Variants in UNK observed in about 807,000 individuals in gnomAD.
The protein encoded by UNK is unk zinc finger.
Under a neutral mutation model 97.6 loss-of-function variants are expected in UNK, and 32 were observed. That is an observed-to-expected ratio of 0.33 (90% CI 0.25 to 0.44). The LOEUF is 0.44. UNK is among the 20% of genes least tolerant of loss of function. The pLI is 1.00. For synonymous variants in UNK, 441 were observed against 461.2 expected (o/e 0.96, Z 0.56); for missense variants, 771 against 1,098.4 (o/e 0.70, Z 4.21).
intron 1 of UNK, among the ~76,000 whole-genome samples, chr17:75,807,405 C>A (rs148276897): frequency 0.016 from 2,496 of 152,244 alleles, 33 homozygotes; most frequent in Middle Eastern, 0.048. Context: ...CTCTTAAAAA[C>A]AAAACAGGAT....
chr17:75,789,046 G>A (rs1405554727), intron 1 of UNK, among the ~76,000 whole-genome samples: 5 of 152,056 alleles, frequency 3.3e-5, no homozygotes, highest in African/African-American at 7.2e-5. Flanking sequence ...CTTAGAGTTT[G>A]AGCCCTCCTT....
intron 6 of UNK, 40 bp from the exon 7 acceptor site, chr17:75,815,129 T>C: frequency 6.3e-7 from 1 of 1,592,614 alleles, no homozygotes; most frequent in Non-Finnish European, 8.6e-7. Context: ...CGGCCTTCCC[T>C]CAGGGCCTGA....
At chr17:75,808,077 A>G (rs1431737746) in intron 1 of UNK, among the ~76,000 whole-genome samples, 1 of 152,156 alleles carries the variant, frequency 6.6e-6, no homozygotes, top group African/African-American at 2.4e-5. Flanking sequence ...TCTTTCAGGA[A>G]AGTTCCTTCT....
At chr17:75,815,885 T>C (rs1599384783) in intron 7 of UNK, among the ~76,000 whole-genome samples, 1 of 119,150 alleles carries the variant, frequency 8.4e-6, no homozygotes, top group African/African-American at 3.1e-5. Context: ...GACTCTGTCT[T>C]AAAAAAAAAA....
intron 2 of UNK, among the ~76,000 whole-genome samples, chr17:75,810,198 C>T (rs78701140): frequency 0.021 from 3,129 of 152,322 alleles, 99 homozygotes; most frequent in African/African-American, 0.068. Context: ...TTTCACTAAG[C>T]CTAAGGGCCC....
Position 75,824,618 on chromosome 17 carries a change from T to C in UNK, c.*201T>C. ...TATGCGTGGTGGTGTGGACAGTGTCTGTGTGTATATCTGTACATAGATATA... is the reference window on the plus strand; with the variant it reads ...TATGCGTGGTGGTGTGGACAGTGTCCGTGTGTATATCTGTACATAGATATA... On this transcript the variant is annotated 3_prime_UTR_variant, in exon 16 of 16. Coordinates refer to ENST00000589666, the MANE Select transcript of UNK (RefSeq NM_001080419.3). The surrounding 1 kb of genome is among the most constrained non-coding windows in gnomAD (Gnocchi z 4.9). 1 of 282,398 alleles carries C rather than the reference T, an allele frequency of 3.5e-6. No individual in the cohort carries two copies. Among genetic ancestry groups the C allele is most frequent in the Admixed American group, 5.3e-5 (1 of 18,800 alleles). The allele number at this position is 282,398 out of a possible 1,614,324, so 17.5% of individuals were successfully genotyped here. A position where few individuals can be genotyped will look rare whatever the true frequency, so the allele number is the denominator to read the frequency against.
At chr17:75,823,644 G>A in intron 15 of UNK, 122 bp downstream of exon 15, 1 of 1,350,044 alleles carries the variant, frequency 7.4e-7, no homozygotes, top group Non-Finnish European at 9.8e-7. Context: ...GCCCAGCACT[G>A]GGCCAGCACT....
chr17:75,784,829 G>T lies in UNK; in HGVS notation c.-52G>T. On this transcript the variant is annotated 5_prime_UTR_variant, in exon 1 of 16. Transcript: ENST00000589666. ...GCGCACTGGGTCCTCGGCGCGGACC[G>T]CGCAGACTGAATAATAAAAGGGGAG... 1 of 1,579,662 alleles carries T rather than the reference G, an allele frequency of 6.3e-7. No homozygotes were observed. The highest frequency in any genetic ancestry group is 8.7e-7 in the Non-Finnish European group (1 of 1,150,396).
intron 7 of UNK, 63 bp downstream of exon 7, chr17:75,815,316 C>T: frequency 2.7e-6 from 4 of 1,509,096 alleles, no homozygotes; most frequent in Non-Finnish European, 3.6e-6. Flanking sequence ...CTGGCTAGCT[C>T]AGGCTTAGGC....
chr17:75,789,557 C>T (rs1462698457), intron 1 of UNK, among the ~76,000 whole-genome samples: 22 of 152,116 alleles, frequency 1.4e-4, no homozygotes, highest in African/African-American at 4.8e-5. Flanking sequence ...AGGATGGTCT[C>T]GATCTCCTGA....
intron 1 of UNK, among the ~76,000 whole-genome samples, chr17:75,803,750 C>T (rs1022187319): frequency 2.0e-5 from 3 of 152,132 alleles, no homozygotes; most frequent in African/African-American, 7.2e-5. Flanking sequence ...TGTGCCCTGC[C>T]GCGCAGTAGT....
chr17:75,812,366 T>C (rs761736118), intron 3 of UNK, 78 bp downstream of exon 3: 2 of 1,579,742 alleles, frequency 1.3e-6, no homozygotes, highest in South Asian at 1.2e-5. Context: ...TGATGGTGAG[T>C]ACCTCAGACT....
In UNK at chr17:75,817,563, C is replaced by A; in HGVS notation, c.1305+37C>A. 6.4e-7 allele frequency: 1 copy of A among 1,551,542 alleles called. No homozygotes were observed. Among genetic ancestry groups the A allele is most frequent in the Admixed American group, 1.9e-5 (1 of 51,934 alleles). On this transcript the variant is annotated intron_variant, in intron 9 of 15. Transcript: ENST00000589666. The surrounding 1 kb of genome is among the most constrained non-coding windows in gnomAD (Gnocchi z 5.8). ...GGGAGGCAGCAGTGAGGTTAGCCTT[C>A]TCCTGCGTGGGGCAAGAGAATCTTG...
intron 1 of UNK, 68 bp downstream of exon 1, chr17:75,785,052 G>A (rs1355385054): frequency 1.7e-6 from 2 of 1,174,030 alleles, no homozygotes; most frequent in Non-Finnish European, 2.3e-6. Context: ...TGAGTCACGC[G>A]CGCAGGGAGA....
rs769611849 is a variant in UNK at position 75,820,039 on chromosome 17, C to A, written c.1768C>A (p.Gln590Lys). Residue 590 changes from glutamine (Q) to lysine (K), a missense_variant, in exon 13 of 16, where the codon CAG (glutamine) becomes AAG (lysine). Physicochemically the swap from Gln to Lys is moderately conservative, Grantham distance 53. This residue lies in a region of UNK where 91 missense variants were observed against 173.1 expected (regional missense o/e 0.53). Coordinates refer to ENST00000589666, the MANE Select transcript of UNK (RefSeq NM_001080419.3). ...CAGCCTCTCCTCGCATTTCCTGCAG[C>A]AGCCCCAGGGCCACCTGAGTCAGTC... ...PVSLSSHFLQ[Q>K]PQGHLSQSEN... The A allele has an allele frequency of 6.2e-7, 1 of 1,613,920 alleles. No individual in the cohort carries two copies. The highest frequency in any genetic ancestry group is 1.1e-5 in the South Asian group (1 of 91,092).
At position 75,817,235 on chromosome 17, in the gene UNK, T is replaced by G. The variant is rs1346714573; in HGVS notation, c.1105-91T>G. 8.7e-6 allele frequency: 12 copies of G among 1,382,698 alleles called. No homozygotes were observed. The highest frequency in any genetic ancestry group is 2.7e-4 in the Middle Eastern group (1 of 3,756). The allele number at this position is 1,382,698 out of a possible 1,614,324, so 85.7% of individuals were successfully genotyped here. A position where few individuals can be genotyped will look rare whatever the true frequency, so the allele number is the denominator to read the frequency against. ...GCAGATGAAAGTGGAACTGAGCCCC[T>G]TGAAGACTCCCTCTGGAGAGGGTGG... On this transcript the variant is annotated intron_variant, in intron 8 of 15. Transcript: ENST00000589666. The surrounding 1 kb of genome is among the most constrained non-coding windows in gnomAD (Gnocchi z 5.8).
intron 1 of UNK, among the ~76,000 whole-genome samples, chr17:75,801,261 G>C (rs1293246486): frequency 6.6e-6 from 1 of 152,130 alleles, no homozygotes; most frequent in Admixed American, 6.6e-5. Context: ...GTCAAAAGAA[G>C]AGAGGAAGAG....
chr17:75,790,562 T>C (rs1480999714), intron 1 of UNK, among the ~76,000 whole-genome samples: 1 of 151,852 alleles, frequency 6.6e-6, no homozygotes, highest in Non-Finnish European at 1.5e-5. Context: ...GCCCAGGAGA[T>C]AGAGGCTACA....
intron 1 of UNK, among the ~76,000 whole-genome samples, chr17:75,787,292 G>T (rs1057318445): frequency 2.6e-5 from 4 of 152,038 alleles, no homozygotes; most frequent in Admixed American, 6.5e-5. Context: ...GCTCACTGTA[G>T]CCTCGACCTC....
Sources: gnomAD v4.1 joint callset for allele counts (sites outside exome capture counted in the v4.1 genomes callset) on GRCh38, gnomAD v4.1.1 for gene constraint, gnomAD v4.1.1 regional missense constraint, Gnocchi (gnomAD v3.1) non-coding constraint, MANE v1.5 for transcripts, NCBI Gene and HGNC (gene_info 2026-07-23, HGNC 2026-07-21) for gene names.